Variants in MCU observed in about 807,000 individuals in gnomAD.
The protein encoded by MCU is calcium uniporter protein, mitochondrial.
MCU carries 12 observed loss-of-function variants against 45.2 expected under a neutral mutation model. The observed-to-expected ratio is 0.27, with a 90% CI of 0.17 to 0.43. The LOEUF (loss-of-function observed/expected upper bound fraction) is 0.43. MCU is among the 20% of genes least tolerant of loss of function. MCU has a pLI of 1.00. For synonymous variants in MCU, 160 were observed against 165.1 expected (o/e 0.97, Z 0.24); for missense variants, 324 against 436.7 (o/e 0.74, Z 2.30).
Position 72,804,067 on chromosome 10 carries a change from TATATATAA to T in MCU, c.151-30290_151-30283del, listed in dbSNP as rs1288611124. Among the ~76,000 whole-genome samples, 74 of 66,084 alleles carry T rather than the reference TATATATAA, an allele frequency of 1.1e-3. 7 individuals are homozygous for T. Among genetic ancestry groups the T allele is most frequent in the African/African-American group, 4.7e-3 (67 of 14,264 alleles). 43.4% of individuals were successfully genotyped at this position (66,084 alleles called of 152,430 possible). On this transcript the variant is annotated intron_variant, in intron 1 of 7. Transcript: ENST00000373053. The stretch of plus-strand genomic sequence containing the variant: ...ATATATATATATATATATATATATA[TATATATAA>T]AATAAGAGTGCCAACAATTTACATT...
At chr10:72,839,023 T>C (rs1329829523) in intron 2 of MCU, among the ~76,000 whole-genome samples, 1 of 151,018 alleles carries the variant, frequency 6.6e-6, no homozygotes, top group Non-Finnish European at 1.5e-5. Context: ...GGAGTCCCGC[T>C]CCATCACCCA....
intron 4 of MCU, among the ~76,000 whole-genome samples, chr10:72,863,202 C>T (rs377160315): frequency 6.6e-6 from 1 of 152,164 alleles, no homozygotes; most frequent in South Asian, 2.1e-4. Flanking sequence ...TTCCAATAAG[C>T]CTTTAATGAT....
chr10:72,694,834 C>G (rs1475249051), intron 1 of MCU, among the ~76,000 whole-genome samples: 1 of 152,118 alleles, frequency 6.6e-6, no homozygotes, highest in Admixed American at 6.6e-5. Context: ...AGAATGAGTC[C>G]AAAGCAATAC....
At position 72,751,327 on chromosome 10, in the gene MCU, A is replaced by ATCT. The variant is rs1554821994; in HGVS notation, c.150+59040_150+59042dup. 8.9e-3 allele frequency among the ~76,000 whole-genome samples: 851 copies of ATCT among 95,506 alleles called. 25 individuals carry two copies. The highest frequency in any genetic ancestry group is 0.032 in the African/African-American group (791 of 24,802). 62.7% of individuals were successfully genotyped at this position (95,506 alleles called of 152,430 possible). A position where few individuals can be genotyped will look rare whatever the true frequency, so the allele number is the denominator to read the frequency against. On this transcript the variant is annotated intron_variant, in intron 1 of 7. Transcript: ENST00000373053. ...CTCAAATGGTTTTTTTTTCTCTAAC[A>ATCT]TCTTCTTCTTCTTCTTTTTTTTTTT...
intron 1 of MCU, among the ~76,000 whole-genome samples, chr10:72,753,189 T>C (rs999382219): frequency 5.3e-5 from 8 of 152,224 alleles, no homozygotes; most frequent in African/African-American, 1.9e-4. Context: ...AATTTTTTTC[T>C]CACAGTTTAA....
In MCU at chr10:72,841,616, G is replaced by C. The variant is rs549054142; in HGVS notation, c.220+7188G>C. Among the ~76,000 whole-genome samples the C allele has an allele frequency of 7.2e-5, 11 of 152,268 alleles. 1 individual carries two copies. The South Asian group carries it at 2.3e-3, about 32-fold the overall frequency. ...CCTGACCCCAAAAAAATTTTTGACTGTAATGAAGATCTTAGTACTCTGCAC... is the reference window on the plus strand; with the variant it reads ...CCTGACCCCAAAAAAATTTTTGACTCTAATGAAGATCTTAGTACTCTGCAC... On this transcript the variant is annotated intron_variant, in intron 2 of 7. Coordinates refer to ENST00000373053, the MANE Select transcript of MCU (RefSeq NM_138357.3).
chr10:72,747,919 GAAAC>G (rs759086400), intron 1 of MCU, among the ~76,000 whole-genome samples: 47 of 151,590 alleles, frequency 3.1e-4, no homozygotes, highest in Non-Finnish European at 6.5e-4. Flanking sequence ...AAAGTGGAAA[GAAAC>G]AAGTAAAATT....
chr10:72,769,059 G>T (rs1564551299), intron 1 of MCU, among the ~76,000 whole-genome samples: 1 of 151,308 alleles, frequency 6.6e-6, no homozygotes, highest in Non-Finnish European at 1.5e-5. Context: ...TTGGTATGTT[G>T]CCCAGGCTGG....
chr10:72,808,476 C>T (rs900244288), intron 1 of MCU, among the ~76,000 whole-genome samples: 3 of 152,062 alleles, frequency 2.0e-5, no homozygotes, highest in East Asian at 1.9e-4. Flanking sequence ...GCATACATAG[C>T]CATTAGAGGA....
At chr10:72,858,234 A>T (rs537266387) in intron 2 of MCU, among the ~76,000 whole-genome samples, 3 of 152,274 alleles carry the variant, frequency 2.0e-5, no homozygotes, top group African/African-American at 7.2e-5. Context: ...ATGAAAGGAG[A>T]AATGTGTGTA....
intron 6 of MCU, among the ~76,000 whole-genome samples, chr10:72,878,808 G>T (rs1368933185): frequency 1.3e-5 from 2 of 152,146 alleles, no homozygotes; most frequent in African/African-American, 2.4e-5. Context: ...CAGTGGAAAG[G>T]CCTAATATGT....
intron 4 of MCU, among the ~76,000 whole-genome samples, chr10:72,868,426 C>CG (rs1171743926): frequency 1.2e-4 from 19 of 152,026 alleles, no homozygotes; most frequent in Non-Finnish European, 5.9e-5. Context: ...CCGGTGCACA[C>CG]CTGTAGTCCC....
At chr10:72,729,530 A>G (rs933761340) in intron 1 of MCU, among the ~76,000 whole-genome samples, 9 of 152,222 alleles carry the variant, frequency 5.9e-5, no homozygotes, top group Non-Finnish European at 1.0e-4. Flanking sequence ...CAGTCCCACA[A>G]ACACGTGAGA....
chr10:72,776,858 GT>G (rs1401586572), intron 1 of MCU, among the ~76,000 whole-genome samples: 1 of 152,118 alleles, frequency 6.6e-6, no homozygotes, highest in African/African-American at 2.4e-5. Flanking sequence ...TGATAAATGA[GT>G]TTAGTACAAT....
chr10:72,739,298 T>C (rs1296548796), intron 1 of MCU, among the ~76,000 whole-genome samples: 1 of 152,210 alleles, frequency 6.6e-6, no homozygotes, highest in Non-Finnish European at 1.5e-5. Context: ...TTCCTTTCAG[T>C]GCACTTTAAA....
chr10:72,789,374 TTATAA>T (rs1453323954), intron 1 of MCU, among the ~76,000 whole-genome samples: 1 of 152,188 alleles, frequency 6.6e-6, no homozygotes, highest in Non-Finnish European at 1.5e-5. Context: ...TACATATTAA[TTATAA>T]TATAACATTC....
chr10:72,796,803 C>T (rs1270943111), intron 1 of MCU, among the ~76,000 whole-genome samples: 1 of 150,954 alleles, frequency 6.6e-6, no homozygotes, highest in Non-Finnish European at 1.5e-5. Context: ...GCTGGGATTA[C>T]AGGGATTTAA....
chr10:72,804,146 G>T (rs1347220316), intron 1 of MCU, among the ~76,000 whole-genome samples: 1 of 143,958 alleles, frequency 6.9e-6, no homozygotes, highest in Admixed American at 7.2e-5. Flanking sequence ...GAGTGCAATG[G>T]CACAGTCTTG....
At chr10:72,876,612 T>C (rs1368016354) in intron 6 of MCU, among the ~76,000 whole-genome samples, 2 of 152,170 alleles carry the variant, frequency 1.3e-5, no homozygotes, top group African/African-American at 2.4e-5. Context: ...CACATCAAGA[T>C]CCCCATCCCA....
Sources: gnomAD v4.1 joint callset for allele counts (sites outside exome capture counted in the v4.1 genomes callset) on GRCh38, gnomAD v4.1.1 for gene constraint, MANE v1.5 for transcripts, NCBI Gene and HGNC (gene_info 2026-07-23, HGNC 2026-07-21) for gene names.